PCDH9: variants seen among roughly 807,000 people sequenced by gnomAD.
The protein encoded by PCDH9 is protocadherin 9.
In PCDH9, 24 loss-of-function variants were observed where a neutral mutation model predicts 70.6. The ratio of observed to expected loss-of-function variants is 0.34; its 90% CI spans 0.25 to 0.48. PCDH9 has a LOEUF of 0.48. Among genes scored for constraint, PCDH9 ranks in the 20% least tolerant of loss-of-function variants. PCDH9 has a pLI of 0.99. For synonymous variants in PCDH9, 562 were observed against 558.5 expected (o/e 1.01, Z -0.09); for missense variants, 1,281 against 1,503.6 (o/e 0.85, Z 2.45).
chr13:66,495,573 AATAAATACATAC>A (rs1387948183), intron 4 of PCDH9, among the ~76,000 whole-genome samples: 1 of 151,016 alleles, frequency 6.6e-6, no homozygotes, highest in East Asian at 2.0e-4. Context: ...TTACTTGCAA[AATAAATACATAC>A]ATACATACAT....
At chr13:66,610,841 T>A (rs1298747292) in intron 4 of PCDH9, among the ~76,000 whole-genome samples, 1 of 152,186 alleles carries the variant, frequency 6.6e-6, no homozygotes, top group African/African-American at 2.4e-5. Flanking sequence ...GATGATACCT[T>A]TTTTTAAGTC....
intron 2 of PCDH9, among the ~76,000 whole-genome samples, chr13:66,955,519 G>A (rs758349557): frequency 6.6e-6 from 1 of 152,014 alleles, no homozygotes; most frequent in Non-Finnish European, 1.5e-5. Flanking sequence ...TCACATTGTT[G>A]GGACTTTTAA....
intron 3 of PCDH9, among the ~76,000 whole-genome samples, chr13:66,761,558 A>C (rs2079628109): frequency 6.6e-6 from 1 of 151,540 alleles, no homozygotes; most frequent in Non-Finnish European, 1.5e-5. Flanking sequence ...TTCTCCCCTG[A>C]CTCTATGAGT....
At chr13:66,559,826 A>ATATG (rs1304147828) in intron 4 of PCDH9, among the ~76,000 whole-genome samples, 4 of 121,108 alleles carry the variant, frequency 3.3e-5, no homozygotes, top group African/African-American at 1.3e-4. Context: ...AAATATATAT[A>ATATG]TATATATACA....
intron 3 of PCDH9, among the ~76,000 whole-genome samples, chr13:66,823,966 CAGT>C (rs1469871512): frequency 5.9e-5 from 9 of 152,074 alleles, no homozygotes; most frequent in African/African-American, 1.9e-4. Flanking sequence ...ATTTATAAAG[CAGT>C]CTACTTAGGA....
intron 2 of PCDH9, among the ~76,000 whole-genome samples, chr13:66,998,224 A>T (rs1484876593): frequency 6.6e-6 from 1 of 152,192 alleles, no homozygotes; most frequent in East Asian, 1.9e-4. Context: ...CAAGGAGATT[A>T]GAAGAGGGCA....
chr13:66,981,404 C>G (rs192094349), intron 2 of PCDH9, among the ~76,000 whole-genome samples: 2 of 146,354 alleles, frequency 1.4e-5, no homozygotes, highest in African/African-American at 5.1e-5. Context: ...TGCCACTGCA[C>G]TCCAGCCTGG....
chr13:67,044,435 C>T (rs985382673), intron 2 of PCDH9, among the ~76,000 whole-genome samples: 15 of 152,106 alleles, frequency 9.9e-5, no homozygotes, highest in Non-Finnish European at 8.8e-5. Flanking sequence ...TAGCGCTTCT[C>T]AAAAGTATTC....
chr13:66,572,217 T>C (rs1357873471), intron 4 of PCDH9, among the ~76,000 whole-genome samples: 1 of 152,178 alleles, frequency 6.6e-6, no homozygotes, highest in African/African-American at 2.4e-5. Flanking sequence ...CATTTCTTTG[T>C]TTTGGGAACA....
intron 2 of PCDH9, among the ~76,000 whole-genome samples, chr13:67,197,071 G>A (rs775279495): frequency 1.7e-4 from 26 of 149,294 alleles, no homozygotes; most frequent in Non-Finnish European, 2.7e-4. Context: ...GTAATGAAAG[G>A]ACAATGGACA....
chr13:67,113,398 T>C (rs942837399), intron 2 of PCDH9, among the ~76,000 whole-genome samples: 2 of 152,220 alleles, frequency 1.3e-5, no homozygotes, highest in Non-Finnish European at 2.9e-5. Flanking sequence ...GGTCCGTGTC[T>C]TATAACATCA....
chr13:66,856,700 G>A (rs773888440), intron 3 of PCDH9, among the ~76,000 whole-genome samples: 1 of 151,940 alleles, frequency 6.6e-6, no homozygotes, highest in Admixed American at 6.6e-5. Context: ...CTACCATGGC[G>A]TTATAAAAAT....
intron 2 of PCDH9, among the ~76,000 whole-genome samples, chr13:67,124,299 G>A (rs2086933981): frequency 6.6e-6 from 1 of 151,962 alleles, no homozygotes; most frequent in South Asian, 2.1e-4. Context: ...ATGCTCAGCT[G>A]GAAAAATTAT....
At chr13:66,753,404 G>A (rs1007382182) in intron 3 of PCDH9, among the ~76,000 whole-genome samples, 2 of 152,046 alleles carry the variant, frequency 1.3e-5, no homozygotes, top group Non-Finnish European at 2.9e-5. Flanking sequence ...TGAGATGAGG[G>A]AAATGCTTGA....
intron 4 of PCDH9, among the ~76,000 whole-genome samples, chr13:66,429,782 C>T (rs1004584791): frequency 1.3e-5 from 2 of 152,176 alleles, no homozygotes; most frequent in Middle Eastern, 6.8e-3. Flanking sequence ...GTTTGAATCA[C>T]TAACAGACAA....
At chr13:66,729,695 A>G (rs906135876) in intron 3 of PCDH9, among the ~76,000 whole-genome samples, 12 of 152,152 alleles carry the variant, frequency 7.9e-5, no homozygotes, top group African/African-American at 1.4e-4. Context: ...TCTGTGTGAG[A>G]AAACTCTTTT....
intron 2 of PCDH9, chr13:67,203,358 A>AG (rs1266469278): frequency 7.9e-5 from 12 of 151,960 alleles, no homozygotes; most frequent in Non-Finnish European, 1.8e-4. Context: ...ATATAAAAAA[A>AG]CTCTTTTACA....
At chr13:66,324,323 A>G (rs1023963969) in intron 4 of PCDH9, among the ~76,000 whole-genome samples, 1 of 152,030 alleles carries the variant, frequency 6.6e-6, no homozygotes, top group African/African-American at 2.4e-5. Context: ...AATATTGTAG[A>G]CAAAACCAGG....
At chr13:66,864,388 A>G (rs2081535768) in intron 3 of PCDH9, among the ~76,000 whole-genome samples, 1 of 152,118 alleles carries the variant, frequency 6.6e-6, no homozygotes, top group Admixed American at 6.5e-5. Flanking sequence ...GCGTGAAAAG[A>G]CAAAAGCAAA....
Sources: gnomAD v4.1 joint callset for allele counts (sites outside exome capture counted in the v4.1 genomes callset) on GRCh38, gnomAD v4.1.1 for gene constraint, MANE v1.5 for transcripts, NCBI Gene and HGNC (gene_info 2026-07-23, HGNC 2026-07-21) for gene names.